Variants in KIRREL3 observed in about 807,000 individuals in gnomAD.
KIRREL3 encodes the protein kirre like nephrin family adhesion molecule 3.
KIRREL3 carries 36 observed loss-of-function variants against 89.7 expected under a neutral mutation model. The ratio of observed to expected loss-of-function variants is 0.40; its 90% CI spans 0.31 to 0.53. KIRREL3 has a LOEUF of 0.53. KIRREL3 is among the 20% of genes least tolerant of loss of function. The probability of loss-of-function intolerance (pLI) is 0.49; values close to 1 mark genes in which losing one functional copy is unlikely to be tolerated. For synonymous variants in KIRREL3, 445 were observed against 441.4 expected, an observed-to-expected ratio of 1.01 and a Z score of -0.10; for missense variants, 864 against 1,056.6, an observed-to-expected ratio of 0.82 and a Z score of 2.53.
At chr11:126,487,027 G>T (rs1018318884) in intron 4 of KIRREL3, among the ~76,000 whole-genome samples, 1 of 152,138 alleles carries the variant, frequency 6.6e-6, no homozygotes, top group African/African-American at 2.4e-5. Context: ...TAGAAATCCT[G>T]CCTACCGATA....
At position 126,524,785 on chromosome 11, in the gene KIRREL3, C is replaced by T. The variant is rs576259320; in HGVS notation, c.283+1753G>A. 6.6e-5 allele frequency among the ~76,000 whole-genome samples: 10 copies of T among 152,226 alleles called. No homozygotes were observed. In the South Asian group the frequency reaches 1.2e-3, roughly 19 times the overall value. ...CAGTTTCCCTGTAGGAGAGCTTTCG[C>T]GGTGTTAAGGGCTCTACAAGTACTT... On this transcript the variant is annotated intron_variant, in intron 3 of 16. Transcript: ENST00000525144.
Position 126,428,242 on chromosome 11 carries a change from C to T in KIRREL3, c.1806+937G>A. 6.6e-6 allele frequency among the ~76,000 whole-genome samples: 1 copy of T among 152,198 alleles called. No homozygotes were observed. Among genetic ancestry groups the T allele is most frequent in the East Asian group, 1.9e-4 (1 of 5,196 alleles). ...GAGGACATGGAGGCACCAGAAAGCC[C>T]ATCTACTATATTCCTTGCTCTGCTG... On this transcript the variant is annotated intron_variant, in intron 15 of 16. Coordinates refer to ENST00000525144, the MANE Select transcript of KIRREL3 (RefSeq NM_032531.4). This position sits in a 1 kb window ranked among gnomAD's most constrained non-coding sequence, Gnocchi z 6.4.
intron 1 of KIRREL3, among the ~76,000 whole-genome samples, chr11:126,616,814 AT>A (rs1044585457): frequency 2.1e-4 from 32 of 151,856 alleles, no homozygotes; most frequent in African/African-American, 7.7e-4. Context: ...GCTATTTTTA[AT>A]TTTTTTTGCA....
chr11:126,735,736 C>T (rs988378852), intron 1 of KIRREL3, among the ~76,000 whole-genome samples: 2 of 152,232 alleles, frequency 1.3e-5, no homozygotes, highest in Non-Finnish European at 2.9e-5. Context: ...TTAGGCAGAA[C>T]CAAACCAAAG....
At chr11:126,727,602 C>CGG (rs532886103) in intron 1 of KIRREL3, among the ~76,000 whole-genome samples, 1 of 152,126 alleles carries the variant, frequency 6.6e-6, no homozygotes, top group Non-Finnish European at 1.5e-5. Context: ...CCAGCTCCCT[C>CGG]GGGGGGGTCT....
At position 126,455,385 on chromosome 11, in the gene KIRREL3, A is replaced by C. The variant is rs553322115; in HGVS notation, c.848+964T>G. Among the ~76,000 whole-genome samples the C allele has an allele frequency of 3.3e-5, 5 of 152,346 alleles. No homozygotes were observed. The South Asian group carries it at 1.0e-3, about 32-fold the overall frequency. ...GATCAGTCAGACACATCTAAGGAGC[A>C]TGTGGTTTATGCCATGTGCTGTGCT... On this transcript the variant is annotated intron_variant, in intron 7 of 16. Coordinates refer to ENST00000525144, the MANE Select transcript of KIRREL3 (RefSeq NM_032531.4). The surrounding 1 kb of genome is among the most constrained non-coding windows in gnomAD (Gnocchi z 6.4).
rs60426762 is a variant in KIRREL3 at position 126,757,739 on chromosome 11, GA to G, written c.56-194828del. Reference sequence around the variant, plus strand: ...AGATTGAAATAAAAATTAAAGGCAAGAAAAAAAAAGAGTCTACTGTTCTTTT... The same window carrying G: ...AGATTGAAATAAAAATTAAAGGCAAGAAAAAAAAGAGTCTACTGTTCTTTT... On this transcript the variant is annotated intron_variant, in intron 1 of 16. Coordinates refer to ENST00000525144, the MANE Select transcript of KIRREL3 (RefSeq NM_032531.4). Among the ~76,000 whole-genome samples, 1,186 of 150,360 alleles carry G rather than the reference GA, an allele frequency of 7.9e-3. 14 individuals carry two copies. The highest frequency in any genetic ancestry group is 0.027 in the African/African-American group (1,121 of 41,068).
chr11:126,450,594 CAT>C (rs1491128681), intron 7 of KIRREL3, among the ~76,000 whole-genome samples: 1 of 134,724 alleles, frequency 7.4e-6, no homozygotes, highest in East Asian at 2.4e-4. Flanking sequence ...TGCATGTGTG[CAT>C]GTGTGTGTCC....
At chr11:126,741,003 C>T (rs1330059431) in intron 1 of KIRREL3, among the ~76,000 whole-genome samples, 1 of 152,124 alleles carries the variant, frequency 6.6e-6, no homozygotes, top group East Asian at 1.9e-4. Context: ...GAAAAGGTTC[C>T]ACCACAAGGA....
chr11:126,909,696 T>C lies in KIRREL3; in HGVS notation c.55+90759A>G, dbSNP rs571920223. ...AAATGTCCTTTGCTCTCCATAACCC[T>C]AGGGGAGGCAGGATCTTGACCTCAG... On this transcript the variant is annotated intron_variant, in intron 1 of 16. Transcript: ENST00000525144. The surrounding 1 kb of genome is among the most constrained non-coding windows in gnomAD (Gnocchi z 4.5). Among the ~76,000 whole-genome samples the C allele has an allele frequency of 6.6e-6, 1 of 152,222 alleles. No homozygotes were observed. Among genetic ancestry groups the C allele is most frequent in the East Asian group, 1.9e-4 (1 of 5,178 alleles).
chr11:126,782,362 A>G lies in KIRREL3; in HGVS notation c.55+218093T>C, dbSNP rs1453454688. 6.6e-6 allele frequency among the ~76,000 whole-genome samples: 1 copy of G among 152,228 alleles called. No individual in the cohort carries two copies. Among genetic ancestry groups the G allele is most frequent in the Non-Finnish European group, 1.5e-5 (1 of 68,044 alleles). ...CTGCAGCTTTGCCTGGCTTATTCAG[A>G]CTAATACAAAGATATAACTAACTGA... On this transcript the variant is annotated intron_variant, in intron 1 of 16. Transcript: ENST00000525144. The surrounding 1 kb of genome is among the most constrained non-coding windows in gnomAD (Gnocchi z 4.1).
At position 126,508,534 on chromosome 11, in the gene KIRREL3, G is replaced by T. The variant is rs116113580; in HGVS notation, c.433+12781C>A. 8.6e-3 allele frequency among the ~76,000 whole-genome samples: 1,306 copies of T among 152,308 alleles called. 12 individuals are homozygous for T. Among genetic ancestry groups the T allele is most frequent in the African/African-American group, 0.029 (1,223 of 41,566 alleles). Reference sequence around the variant, plus strand: ...GACTCCCCGATTCCATGAGCCCTGGGATGGTGGAAGGGTTCAAGCAGGGCT... The same window carrying T: ...GACTCCCCGATTCCATGAGCCCTGGTATGGTGGAAGGGTTCAAGCAGGGCT... On this transcript the variant is annotated intron_variant, in intron 4 of 16. Transcript: ENST00000525144. This position sits in a 1 kb window ranked among gnomAD's most constrained non-coding sequence, Gnocchi z 4.9.
At position 126,878,249 on chromosome 11, in the gene KIRREL3, T is replaced by C. The variant is rs547479072; in HGVS notation, c.55+122206A>G. Among the ~76,000 whole-genome samples the C allele has an allele frequency of 6.6e-5, 10 of 152,258 alleles. No individual in the cohort carries two copies. In the East Asian group the frequency reaches 1.5e-3, roughly 24 times the overall value. ...AACTTTACTGCAGAGTTAAAAACTG[T>C]GGAGAGTTAAAAGTCCCCTGCAGCT... On this transcript the variant is annotated intron_variant, in intron 1 of 16. Transcript: ENST00000525144.
intron 1 of KIRREL3, among the ~76,000 whole-genome samples, chr11:126,854,126 TTGTGTG>T (rs375873911): frequency 5.1e-4 from 73 of 144,014 alleles, no homozygotes; most frequent in Non-Finnish European, 8.9e-4. Context: ...AATAAGTTTC[TTGTGTG>T]TGTGTGTGTG....
Position 126,627,907 on chromosome 11 carries a change from A to G in KIRREL3, c.56-64995T>C, listed in dbSNP as rs1943861835. Reference sequence around the variant, plus strand: ...AGTGTGGGCAGGAAAACAGCCCAGGAGTTGGGAGACCCACATCTTCATTCT... The same window carrying G: ...AGTGTGGGCAGGAAAACAGCCCAGGGGTTGGGAGACCCACATCTTCATTCT... On this transcript the variant is annotated intron_variant, in intron 1 of 16. Transcript: ENST00000525144. This position sits in a 1 kb window ranked among gnomAD's most constrained non-coding sequence, Gnocchi z 5.0. 6.6e-6 allele frequency among the ~76,000 whole-genome samples: 1 copy of G among 152,202 alleles called. No individual in the cohort carries two copies. Among genetic ancestry groups the G allele is most frequent in the Admixed American group, 6.5e-5 (1 of 15,284 alleles).
At chr11:126,469,951 T>C (rs895270630) in intron 5 of KIRREL3, among the ~76,000 whole-genome samples, 2 of 152,194 alleles carry the variant, frequency 1.3e-5, no homozygotes, top group African/African-American at 2.4e-5. Flanking sequence ...GTGAGTTGCC[T>C]GAGGTTATGC....
chr11:126,435,355 G>C, intron 12 of KIRREL3, 52 bp from the exon 13 acceptor site: 3 of 1,600,474 alleles, frequency 1.9e-6, no homozygotes, highest in Non-Finnish European at 2.6e-6. Flanking sequence ...TGGCCAGGGT[G>C]GGGTGGGACT....
At chr11:126,675,455 C>T (rs372610456) in intron 1 of KIRREL3, among the ~76,000 whole-genome samples, 3 of 152,186 alleles carry the variant, frequency 2.0e-5, no homozygotes, top group African/African-American at 4.8e-5. Flanking sequence ...TCTGCTTTCA[C>T]GTGGAGCTGA....
At chr11:126,711,169 CT>C (rs1322978376) in intron 1 of KIRREL3, among the ~76,000 whole-genome samples, 1 of 152,216 alleles carries the variant, frequency 6.6e-6, no homozygotes, top group Non-Finnish European at 1.5e-5. Flanking sequence ...TCTGCTCCAT[CT>C]TTTTATGGAT....
Sources: gnomAD v4.1 joint callset for allele counts (sites outside exome capture counted in the v4.1 genomes callset) on GRCh38, gnomAD v4.1.1 for gene constraint, Gnocchi (gnomAD v3.1) non-coding constraint, MANE v1.5 for transcripts, NCBI Gene and HGNC (gene_info 2026-07-23, HGNC 2026-07-21) for gene names.